Variants in NOL4 observed in about 807,000 individuals in gnomAD.
The protein encoded by NOL4 is nucleolar protein 4, also known as cancer/testis antigen 125.
A neutral mutation model predicts 75.9 loss-of-function variants in NOL4; 17 were observed. The observed-to-expected ratio is 0.22, with a 90% CI of 0.15 to 0.34. The LOEUF (loss-of-function observed/expected upper bound fraction) is 0.34, where lower values mean the gene tolerates loss of function less well. Among genes scored for constraint, NOL4 ranks in the 10% least tolerant of loss-of-function variants. The pLI is 1.00. For synonymous variants in NOL4, 292 were observed against 289.9 expected, an observed-to-expected ratio of 1.01 and a Z score of -0.07; for missense variants, 614 against 793.5, an observed-to-expected ratio of 0.77 and a Z score of 2.72.
intron 6 of NOL4, among the ~76,000 whole-genome samples, chr18:33,962,690 G>A (rs1018050797): frequency 6.6e-6 from 1 of 152,004 alleles, no homozygotes; most frequent in Non-Finnish European, 1.5e-5. Context: ...AATATATTAA[G>A]GAAAATATTC....
intron 5 of NOL4, among the ~76,000 whole-genome samples, chr18:34,064,310 G>T (rs753176571): frequency 7.9e-5 from 12 of 151,904 alleles, no homozygotes; most frequent in Non-Finnish European, 1.6e-4. Context: ...CTACAACAAA[G>T]GATTGCCATC....
chr18:33,899,885 A>T (rs2065647700), intron 9 of NOL4, among the ~76,000 whole-genome samples: 1 of 152,128 alleles, frequency 6.6e-6, no homozygotes, highest in Non-Finnish European at 1.5e-5. Context: ...GAGAAAGTTC[A>T]AATGCATGCT....
intron 1 of NOL4, among the ~76,000 whole-genome samples, chr18:34,168,118 A>G (rs576458607): frequency 2.0e-5 from 3 of 152,062 alleles, no homozygotes; most frequent in Admixed American, 6.5e-5. Context: ...GAAATTTAGG[A>G]AAAATGTCAT....
intron 5 of NOL4, among the ~76,000 whole-genome samples, chr18:34,086,904 A>G (rs4435332): frequency 0.65 from 98,138 of 151,900 alleles, 33,061 homozygotes; most frequent in East Asian, 0.96. Context: ...AACTAAGAAA[A>G]CAGAGCTAAT....
In NOL4 at chr18:34,164,186, G is replaced by A. The variant is rs538047848; in HGVS notation, c.265-34166C>T. On this transcript the variant is annotated intron_variant, in intron 1 of 10. Coordinates refer to ENST00000261592, the MANE Select transcript of NOL4 (RefSeq NM_003787.5). ...CATTTAGGACATAGGCATGGGCAAG[G>A]ACTTCATGTCTAAAACACCAAAAGC... Among the ~76,000 whole-genome samples, 14 of 152,156 alleles carry A rather than the reference G, an allele frequency of 9.2e-5. No individual in the cohort carries two copies. The South Asian group carries it at 2.5e-3, about 27-fold the overall frequency.
At chr18:33,973,850 G>C (rs2145902663) in intron 6 of NOL4, among the ~76,000 whole-genome samples, 1 of 152,276 alleles carries the variant, frequency 6.6e-6, no homozygotes, top group South Asian at 2.1e-4. Flanking sequence ...TCCATTTATA[G>C]AGCACAGGCA....
At chr18:33,996,608 T>G (rs1396173310) in intron 6 of NOL4, among the ~76,000 whole-genome samples, 1 of 151,866 alleles carries the variant, frequency 6.6e-6, no homozygotes. Context: ...GTTGCTCTCA[T>G]CTTTATTTCC....
chr18:33,955,613 A>C (rs139348219), intron 8 of NOL4, among the ~76,000 whole-genome samples: 5 of 152,202 alleles, frequency 3.3e-5, no homozygotes, highest in South Asian at 4.1e-4. Flanking sequence ...ACAAAAGTGA[A>C]CATATTAAGG....
At chr18:33,858,397 A>T (rs1248212486) in intron 10 of NOL4, among the ~76,000 whole-genome samples, 3 of 151,962 alleles carry the variant, frequency 2.0e-5, no homozygotes, top group Non-Finnish European at 4.4e-5. Flanking sequence ...AGTAAAAAAA[A>T]AATCAACTAT....
intron 9 of NOL4, among the ~76,000 whole-genome samples, chr18:33,902,136 T>C (rs2065781469): frequency 6.6e-6 from 1 of 152,082 alleles, no homozygotes; most frequent in Admixed American, 6.6e-5. Context: ...ATAAAAACAA[T>C]TTTGATGTGA....
chr18:34,110,128 CAAAAAAAAAAAAAAAAAAAAA>C (rs57576599), intron 2 of NOL4, among the ~76,000 whole-genome samples: 1,215 of 48,002 alleles, frequency 0.025, 46 homozygotes, highest in African/African-American at 0.08. Flanking sequence ...CGCCCTCCCA[CAAAAAAAAAAAAAAAAAAAAA>C]AAAAAAAAAA....
chr18:33,881,564 C>G (rs1280668287), intron 10 of NOL4, among the ~76,000 whole-genome samples: 16 of 151,678 alleles, frequency 1.1e-4, no homozygotes, highest in African/African-American at 3.9e-4. Context: ...AGGATACAAA[C>G]AAATGGAAGA....
At chr18:33,884,281 T>C (rs1198085507) in intron 9 of NOL4, among the ~76,000 whole-genome samples, 2 of 152,096 alleles carry the variant, frequency 1.3e-5, no homozygotes, top group African/African-American at 2.4e-5. Context: ...TGTGTGTCTT[T>C]CTCTTTTTAT....
chr18:33,885,307 G>A (rs1311406011), intron 9 of NOL4, among the ~76,000 whole-genome samples: 1 of 151,918 alleles, frequency 6.6e-6, no homozygotes, highest in Non-Finnish European at 1.5e-5. Context: ...GGCAACGAAG[G>A]CAAAAATGGA....
chr18:33,994,679 T>C (rs2073151284), intron 6 of NOL4, among the ~76,000 whole-genome samples: 1 of 151,376 alleles, frequency 6.6e-6, no homozygotes, highest in Non-Finnish European at 1.5e-5. Context: ...GGCACTTATA[T>C]TAAAAAAGAA....
chr18:34,169,230 G>A (rs2032763958), intron 1 of NOL4, among the ~76,000 whole-genome samples: 1 of 151,754 alleles, frequency 6.6e-6, no homozygotes, highest in Non-Finnish European at 1.5e-5. Flanking sequence ...AGTGTATATT[G>A]GGATTTATCA....
chr18:33,913,205 T>C (rs1020952302), intron 9 of NOL4, among the ~76,000 whole-genome samples: 6 of 152,144 alleles, frequency 3.9e-5, no homozygotes, highest in Non-Finnish European at 2.9e-5. Context: ...ATCTTTCCAT[T>C]AACATTGCAT....
intron 2 of NOL4, among the ~76,000 whole-genome samples, chr18:34,123,113 C>T (rs1199432289): frequency 4.7e-5 from 7 of 148,292 alleles, no homozygotes; most frequent in Admixed American, 4.7e-4. Context: ...TGGATAAGCT[C>T]TTACGTCTTT....
At chr18:33,917,791 A>G (rs2145223837) in intron 9 of NOL4, among the ~76,000 whole-genome samples, 1 of 152,328 alleles carries the variant, frequency 6.6e-6, no homozygotes, top group African/African-American at 2.4e-5. Context: ...GGTGTGAGCC[A>G]CTGCATCCAG....
Sources: allele counts gnomAD v4.1 joint callset (sites outside exome capture counted in the v4.1 genomes callset), GRCh38; gene constraint gnomAD v4.1.1; transcripts MANE v1.5; gene names NCBI Gene and HGNC (gene_info 2026-07-23, HGNC 2026-07-21).